The following KRTCAP3 variants were observed in gnomAD, a reference collection of about 807,000 sequenced individuals.
KRTCAP3 encodes the protein keratinocyte associated protein 3, also known as keratinocyte-associated protein 3.
In KRTCAP3, 18 loss-of-function variants were observed where a neutral mutation model predicts 20.5. That is an observed-to-expected ratio of 0.88 (90% CI 0.61 to 1.31). The LOEUF (loss-of-function observed/expected upper bound fraction) is 1.31. Among genes scored for constraint, KRTCAP3 ranks in the 50% most tolerant of loss-of-function variants. The probability of loss-of-function intolerance (pLI) is 0.00; values close to 1 mark genes in which losing one functional copy is unlikely to be tolerated. For missense variants in KRTCAP3, 347 were observed against 310.4 expected (o/e 1.12, Z -0.89); for synonymous variants, 167 against 133.7 (o/e 1.25, Z -1.72).
chr2:27,446,212 AC>A (rs1665081589), downstream of KRTCAP3: 1 of 1,577,034 alleles, frequency 6.3e-7, no homozygotes, highest in Non-Finnish European at 8.7e-7. Flanking sequence ...CTATTTTCCA[AC>A]CTTTAACTTC....
chr2:27,442,522 C>A (rs1305999872), intron 1 of KRTCAP3, 57 bp from the exon 2 acceptor site: 8 of 1,524,462 alleles, frequency 5.2e-6, no homozygotes, highest in African/African-American at 4.1e-5. Flanking sequence ...TAACCCGCCG[C>A]GAGCCGCCTC....
At chr2:27,442,543 G>A in intron 1 of KRTCAP3, 36 bp from the exon 2 acceptor site, 2 of 1,529,224 alleles carry the variant, frequency 1.3e-6, no homozygotes, top group Non-Finnish European at 1.8e-6. Context: ...TCCCCTCCCC[G>A]CCCGACTCAA....
chr2:27,445,919 C>T (rs759461544), downstream of KRTCAP3: 3 of 1,614,092 alleles, frequency 1.9e-6, no homozygotes, highest in South Asian at 3.3e-5. The surrounding 1 kb of genome is among the most constrained non-coding windows in gnomAD (Gnocchi z 4.4). Flanking sequence ...GGCACAGCTT[C>T]CCTACTCACA....
At chr2:27,442,815 A>G (rs371119638) in intron 2 of KRTCAP3, 27 bp from the exon 3 acceptor site, 46 of 1,611,470 alleles carry the variant, frequency 2.9e-5, no homozygotes, top group African/African-American at 4.0e-5. Flanking sequence ...AGAGCCCAGC[A>G]GGCCAAAGGC....
chr2:27,443,270 C>T lies in KRTCAP3; in HGVS notation c.470C>T (p.Thr157Ile). 6.2e-7 allele frequency: 1 copy of T among 1,614,146 alleles called. No individual in the cohort carries two copies. Among genetic ancestry groups the T allele is most frequent in the Non-Finnish European group, 8.5e-7 (1 of 1,179,990 alleles). ...PGHTDCPFDP[T>I]RIYDTALALW... ...CATACTGACTGCCCCTTTGACCCCA[C>T]AAGAATCTATGTGAGCACATTCTCT... Residue 157 changes from threonine to isoleucine, a missense_variant, in exon 4 of 7, where the codon ACA becomes ATA. Transcript: ENST00000288873.
At position 27,444,172 on chromosome 2, in the gene KRTCAP3, T is replaced by C; in HGVS notation, c.*6-14T>C. ...TTTCCCCTCTGACCTGGGTTGGTTC[T>C]CCCCTCTGTCCAGCAGGTGCTGTTC... On this transcript the variant is annotated splice_polypyrimidine_tract_variant and intron_variant, in intron 6 of 6. Coordinates refer to ENST00000288873, the MANE Select transcript of KRTCAP3 (RefSeq NM_173853.4). The C allele has an allele frequency of 1.4e-6, 1 of 733,612 alleles. No individual in the cohort carries two copies. The highest frequency in any genetic ancestry group is 2.4e-6 in the Non-Finnish European group (1 of 418,546). The allele number at this position is 733,612 out of a possible 1,614,324, so 45.4% of individuals were successfully genotyped here. A position where few individuals can be genotyped will look rare whatever the true frequency, so the allele number is the denominator to read the frequency against.
rs575194923 is a variant in KRTCAP3 at position 27,442,563 on chromosome 2, C to T, written c.29-16C>T. 1.8e-5 allele frequency: 28 copies of T among 1,526,462 alleles called. No homozygotes were observed. Among genetic ancestry groups the T allele is most frequent in the Non-Finnish European group, 2.4e-5 (27 of 1,136,342 alleles). The allele number at this position is 1,526,462 out of a possible 1,614,324, so 94.6% of individuals were successfully genotyped here. A position where few individuals can be genotyped will look rare whatever the true frequency, so the allele number is the denominator to read the frequency against. On this transcript the variant is annotated splice_polypyrimidine_tract_variant and intron_variant, in intron 1 of 6. Coordinates refer to ENST00000288873, the MANE Select transcript of KRTCAP3 (RefSeq NM_173853.4). ...TCCCCGCCCGACTCAACCCTGCCCT[C>T]CCCCGTGCTTTGCAGACGCCGCCCG... is the stretch of plus-strand genomic sequence containing the variant.
chr2:27,443,030 T>A (rs1664714297), intron 3 of KRTCAP3, 44 bp from the exon 4 acceptor site: 1 of 1,583,076 alleles, frequency 6.3e-7, no homozygotes, highest in Non-Finnish European at 8.7e-7. Flanking sequence ...CTGGGAGAGT[T>A]AGCCAGGCCC....
At chr2:27,445,131 C>T (rs201572823), downstream of KRTCAP3, 68 of 1,613,040 alleles carry the variant, frequency 4.2e-5, no homozygotes, top group Non-Finnish European at 5.8e-5. The surrounding 1 kb of genome is among the most constrained non-coding windows in gnomAD (Gnocchi z 4.4). Context: ...AAATGATGAA[C>T]TGGGGTTTGA....
chr2:27,442,910 G>A lies in KRTCAP3; in HGVS notation c.273+9G>A. On this transcript the variant is annotated intron_variant, in intron 3 of 6. Coordinates refer to ENST00000288873, the MANE Select transcript of KRTCAP3 (RefSeq NM_173853.4). ...TTCTTCGCCCTCCACTGGTGAGAGG[G>A]ACTTCCCTGGAGCTTTTAACGAGTA... The A allele has an allele frequency of 1.2e-6, 2 of 1,613,192 alleles. No individual in the cohort carries two copies. The highest frequency in any genetic ancestry group is 1.7e-6 in the Non-Finnish European group (2 of 1,179,936).
In KRTCAP3 at chr2:27,442,707, G is replaced by A. The variant is rs1215771496; in HGVS notation, c.157G>A (p.Ala53Thr). 2.5e-6 allele frequency: 4 copies of A among 1,594,472 alleles called. No homozygotes were observed. The highest frequency in any genetic ancestry group is 3.4e-6 in the Non-Finnish European group (4 of 1,169,554). The change falls in exon 2 of 7, where the codon GCT becomes ACT. Residue 53 changes from alanine (A) to threonine (T), a missense_variant. Ala to Thr is a moderately conservative substitution (Grantham distance 58). Coordinates refer to ENST00000288873, the MANE Select transcript of KRTCAP3 (RefSeq NM_173853.4). ...GCGGCACGTGGCCAATCCCCGCGGC[G>A]CTGTCACGCCGGAGTACACCGTAGC... ...VLRHVANPRG[A>T]VTPEYTVANV...
downstream of KRTCAP3, chr2:27,446,373 G>C (rs779891948): frequency 1.9e-6 from 3 of 1,611,898 alleles, no homozygotes; most frequent in Non-Finnish European, 1.7e-6. Flanking sequence ...TAAAGTCAAA[G>C]CATTATGAAT....
In KRTCAP3 at chr2:27,442,677, G is replaced by C. The variant is rs749995966; in HGVS notation, c.127G>C (p.Val43Leu). ...GCTGGGGGCCGTGCTGCATGGCACC[G>C]TCCTGCGGCACGTGGCCAATCCCCG... The part of the protein sequence containing the change: ...LLLGAVLHGT[V>L]LRHVANPRGA... The change falls in exon 2 of 7, where the codon GTC becomes CTC. Residue 43 changes from valine to leucine, a missense_variant. Transcript: ENST00000288873. 10 of 1,586,724 alleles carry C rather than the reference G, an allele frequency of 6.3e-6. No homozygotes were observed. In the Admixed American group the frequency reaches 1.7e-4, roughly 28 times the overall value.
At chr2:27,444,951 G>GT (rs111756175), downstream of KRTCAP3, 15,533 of 1,481,986 alleles carry the variant, frequency 0.01, 630 homozygotes, top group African/African-American at 0.14. Flanking sequence ...ACCCAGACTT[G>GT]TTTTTTTTTC....
intron 5 of KRTCAP3, 84 bp from the exon 6 acceptor site, chr2:27,443,864 AG>A: frequency 2.4e-6 from 2 of 818,004 alleles, no homozygotes; most frequent in East Asian, 2.5e-5. Flanking sequence ...CAACAGAGTG[AG>A]GCTCCGTCAC....
At chr2:27,444,411 A>G, downstream of KRTCAP3, 1 of 1,517,110 alleles carries the variant, frequency 6.6e-7, no homozygotes, top group Non-Finnish European at 9.1e-7. Flanking sequence ...AGAGGCCCTA[A>G]CTCTTCCTCA....
chr2:27,443,255 G>A lies in KRTCAP3; in HGVS notation c.455G>A (p.Cys152Tyr). The A allele has an allele frequency of 1.2e-6, 2 of 1,614,144 alleles. No individual in the cohort carries two copies. The highest frequency in any genetic ancestry group is 1.7e-6 in the Non-Finnish European group (2 of 1,180,010). ...GATGAGGGGCCGGGACATACTGACTGCCCCTTTGACCCCACAAGAATCTAT... is the reference window on the plus strand; with the variant it reads ...GATGAGGGGCCGGGACATACTGACTACCCCTTTGACCCCACAAGAATCTAT... ...PLDEGPGHTD[C>Y]PFDPTRIYDT... Residue 152 changes from cysteine (C) to tyrosine (Y), a missense_variant, in exon 4 of 7, where the codon TGC becomes TAC. Cys to Tyr is a radical substitution (Grantham distance 194). Transcript: ENST00000288873.
downstream of KRTCAP3, chr2:27,446,476 T>G: frequency 1.5e-6 from 1 of 673,382 alleles, no homozygotes; most frequent in Non-Finnish European, 2.3e-6. Context: ...TGCTCTGGAT[T>G]CTCAAGCTGT....
downstream of KRTCAP3, among the ~76,000 whole-genome samples, chr2:27,444,755 C>T (rs912560582): frequency 4.6e-5 from 7 of 152,194 alleles, no homozygotes; most frequent in East Asian, 1.9e-4. Flanking sequence ...TTAAGCGATT[C>T]TCCTGCCTCA....
Sources: gnomAD v4.1 joint callset for allele counts (sites outside exome capture counted in the v4.1 genomes callset) on GRCh38, gnomAD v4.1.1 for gene constraint, Gnocchi (gnomAD v3.1) non-coding constraint, MANE v1.5 for transcripts, NCBI Gene and HGNC (gene_info 2026-07-23, HGNC 2026-07-21) for gene names.